The following SIDT1 variants were observed in gnomAD, a reference collection of about 807,000 sequenced individuals.
SIDT1 encodes the protein SID1 transmembrane family member 1, also known as SID1 transmembrane family, member 1.
Under a neutral mutation model 107.5 loss-of-function variants are expected in SIDT1, and 101 were observed. The observed-to-expected ratio is 0.94, with a 90% CI of 0.80 to 1.11. The LOEUF (loss-of-function observed/expected upper bound fraction) is 1.11, where lower values mean the gene tolerates loss of function less well. Among genes scored for constraint, SIDT1 ranks in the 50% least tolerant of loss-of-function variants. The pLI is 0.00. For missense variants in SIDT1, 1,076 were observed against 1,058.2 expected, an observed-to-expected ratio of 1.02 and a Z score of -0.23; for synonymous variants, 395 against 398.2, an observed-to-expected ratio of 0.99 and a Z score of 0.10.
At chr3:113,567,152 T>A (rs576792080) in intron 2 of SIDT1, among the ~76,000 whole-genome samples, 14 of 152,354 alleles carry the variant, frequency 9.2e-5, no homozygotes, top group African/African-American at 3.4e-4. Flanking sequence ...TGACTTGGAC[T>A]CAGGGCTTTC....
At chr3:113,615,563 T>A (rs975971871) in intron 19 of SIDT1, among the ~76,000 whole-genome samples, 1 of 152,234 alleles carries the variant, frequency 6.6e-6, no homozygotes, top group African/African-American at 2.4e-5. Context: ...TAACTTACCT[T>A]CACTTGATGA....
rs73854519 is a variant in SIDT1, at chr3:113,571,060, A to T, written c.515+3350A>T. ...ATGAACTATTTCTACTTTCTAGTTA[A>T]AACTGTCCTCCCAATTGTTTGTGTT... On this transcript the variant is annotated intron_variant, in intron 3 of 24. Coordinates refer to ENST00000264852, the MANE Select transcript of SIDT1 (RefSeq NM_017699.3). Among the ~76,000 whole-genome samples the T allele has an allele frequency of 4.4e-3, 671 of 152,338 alleles. 2 individuals carry two copies. The highest frequency in any genetic ancestry group is 0.016 in the African/African-American group (647 of 41,564).
At chr3:113,611,944 C>T (rs1035183020) in intron 18 of SIDT1, 142 bp from the exon 19 acceptor site, 7 of 614,664 alleles carry the variant, frequency 1.1e-5, no homozygotes, top group Non-Finnish European at 2.0e-5. Context: ...GGAGTAAGAT[C>T]CATGGGAGTT....
At chr3:113,592,349 T>G (rs910687438) in intron 9 of SIDT1, among the ~76,000 whole-genome samples, 4 of 152,228 alleles carry the variant, frequency 2.6e-5, no homozygotes, top group Admixed American at 2.6e-4. Context: ...AATTATGCAC[T>G]TTAAAGGGTG....
In SIDT1 at chr3:113,628,008, A is replaced by G. The variant is rs1946964357; in HGVS notation, c.*300A>G. 8 of 385,040 alleles carry G rather than the reference A, an allele frequency of 2.1e-5. No individual in the cohort carries two copies. The South Asian group carries it at 2.7e-4, about 13-fold the overall frequency. 23.9% of individuals were successfully genotyped at this position (385,040 alleles called of 1,614,324 possible). A position where few individuals can be genotyped will look rare whatever the true frequency, so the allele number is the denominator to read the frequency against. ...GGCACTGCATCCAAGTCAACTCACC[A>G]TCTTGGGGTCCCTCCCACCCTCACG... On this transcript the variant is annotated 3_prime_UTR_variant, in exon 25 of 25. Transcript: ENST00000264852.
chr3:113,597,810 G>C (rs1305679423), intron 10 of SIDT1, among the ~76,000 whole-genome samples: 4 of 152,140 alleles, frequency 2.6e-5, no homozygotes, highest in South Asian at 4.1e-4. Flanking sequence ...ATTCACAATC[G>C]TAAGTGTCTG....
intron 3 of SIDT1, among the ~76,000 whole-genome samples, chr3:113,568,569 G>A (rs1359076549): frequency 2.0e-5 from 3 of 149,022 alleles, no homozygotes; most frequent in Admixed American, 2.0e-4. Context: ...ACCCCAGCCT[G>A]GGCAACACAG....
intron 1 of SIDT1, among the ~76,000 whole-genome samples, chr3:113,561,546 CA>C (rs1941427610): frequency 6.6e-6 from 1 of 152,146 alleles, no homozygotes. Flanking sequence ...CCAACTCTAA[CA>C]TTAGTGATCT....
chr3:113,592,829 G>A (rs878863819), intron 9 of SIDT1, 176 bp from the exon 10 acceptor site: 71 of 577,638 alleles, frequency 1.2e-4, no homozygotes, highest in Non-Finnish European at 1.3e-4. Flanking sequence ...TTTGTGATCC[G>A]CCTGCCTTGG....
At chr3:113,566,060 G>A (rs1004033256) in intron 1 of SIDT1, among the ~76,000 whole-genome samples, 8 of 152,108 alleles carry the variant, frequency 5.3e-5, no homozygotes, top group East Asian at 1.9e-4. Context: ...TGCCTGCTCC[G>A]TTCAAACTCC....
At chr3:113,537,984 T>C (rs1289729260) in intron 1 of SIDT1, among the ~76,000 whole-genome samples, 1 of 152,170 alleles carries the variant, frequency 6.6e-6, no homozygotes, top group Non-Finnish European at 1.5e-5. Context: ...GGTTACTCCA[T>C]GTTGGCTAGG....
chr3:113,534,292 T>A (rs1937845859), intron 1 of SIDT1, among the ~76,000 whole-genome samples: 1 of 152,152 alleles, frequency 6.6e-6, no homozygotes, highest in Admixed American at 6.5e-5. Flanking sequence ...CCTCATCACT[T>A]CCCAAAGTGA....
At chr3:113,597,495 CA>C (rs60934363) in intron 10 of SIDT1, among the ~76,000 whole-genome samples, 8,463 of 108,140 alleles carry the variant, frequency 0.078, 153 homozygotes, top group Middle Eastern at 0.14. Flanking sequence ...GACTCCATCT[CA>C]AAAAAAAAAA....
chr3:113,586,274 A>G (rs1943737421), intron 9 of SIDT1, among the ~76,000 whole-genome samples: 1 of 152,210 alleles, frequency 6.6e-6, no homozygotes, highest in Non-Finnish European at 1.5e-5. Context: ...AAACCATTGG[A>G]AAAAATAGAA....
intron 8 of SIDT1, 28 bp from the exon 9 acceptor site, chr3:113,585,149 C>A: frequency 1.3e-6 from 2 of 1,535,562 alleles, no homozygotes; most frequent in Non-Finnish European, 1.8e-6. Context: ...AGAGGATGAC[C>A]TGACCAAAGT....
chr3:113,544,171 TTTTG>T (rs139256393), intron 1 of SIDT1, among the ~76,000 whole-genome samples: 32,331 of 131,608 alleles, frequency 0.25, 4,135 homozygotes, highest in African/African-American at 0.45. Flanking sequence ...TCATGAGTCT[TTTTG>T]TTTGTTTGTT....
At chr3:113,561,276 T>C (rs1044483556) in intron 1 of SIDT1, among the ~76,000 whole-genome samples, 6 of 152,206 alleles carry the variant, frequency 3.9e-5, no homozygotes, top group African/African-American at 1.4e-4. Flanking sequence ...CCACTATCTG[T>C]TCATCTTGAA....
intron 9 of SIDT1, among the ~76,000 whole-genome samples, chr3:113,587,296 A>T (rs974072922): frequency 3.9e-5 from 6 of 152,238 alleles, no homozygotes; most frequent in African/African-American, 1.4e-4. Flanking sequence ...GTTTGAATCT[A>T]TTTAAAGGAT....
At position 113,608,470 on chromosome 3, in the gene SIDT1, T is replaced by C. The variant is rs774454479; in HGVS notation, c.1654T>C (p.Leu552=). The C allele has an allele frequency of 2.5e-6, 4 of 1,614,014 alleles. No individual in the cohort carries two copies. Among genetic ancestry groups the C allele is most frequent in the Non-Finnish European group, 1.7e-6 (2 of 1,179,986 alleles). ...FGLFYAMGIA[L]MMEGVLSACY... ...TCTCTTCTACGCTATGGGCATTGCATTGATGATGGAAGGGGTGCTCAGTGC... is the reference window on the plus strand; with the variant it reads ...TCTCTTCTACGCTATGGGCATTGCACTGATGATGGAAGGGGTGCTCAGTGC... Residue 552 remains leucine (L), a synonymous_variant, in exon 17 of 25, where the codon TTG becomes CTG. Transcript: ENST00000264852.
Sources: gnomAD v4.1 joint callset for allele counts (sites outside exome capture counted in the v4.1 genomes callset) on GRCh38, gnomAD v4.1.1 for gene constraint, MANE v1.5 for transcripts, NCBI Gene and HGNC (gene_info 2026-07-23, HGNC 2026-07-21) for gene names.